ZNF362: variants seen among roughly 807,000 people sequenced by gnomAD.
ZNF362 encodes the protein rotund homolog.
ZNF362 carries 11 observed loss-of-function variants against 42.9 expected under a neutral mutation model. The ratio of observed to expected loss-of-function variants is 0.26; its 90% confidence interval spans 0.16 to 0.42. The LOEUF (loss-of-function observed/expected upper bound fraction) is 0.42, where lower values mean the gene tolerates loss of function less well. Ranked by LOEUF, ZNF362 falls within the 20% of genes least tolerant of loss-of-function variation. The pLI is 1.00. For synonymous variants in ZNF362, 255 were observed against 257.3 expected (o/e 0.99, Z 0.09); for missense variants, 362 against 576.2 (o/e 0.63, Z 3.81).
chr1:33,189,722 T>TATATATATATATATATATATATATAC, the ZNF362 span, among the ~76,000 whole-genome samples: 16 of 102,944 alleles, frequency 1.6e-4, no homozygotes, highest in African/African-American at 5.1e-4. Flanking sequence ...TATATATACA[T>TATATATATATATATATATATATATAC]ACACACATAC....
chr1:33,213,843 C>CA, the ZNF362 span, among the ~76,000 whole-genome samples: 2 of 151,556 alleles, frequency 1.3e-5, no homozygotes, highest in East Asian at 1.9e-4. Context: ...AACTCTGTCT[C>CA]AAAAAAACCA....
Position 33,266,941 on chromosome 1 carries a change from G to A in ZNF362, c.-88-3546G>A, listed in dbSNP as rs904554494. On this transcript the variant is annotated intron_variant, in intron 1 of 8. Transcript: ENST00000539719. This position sits in a 1 kb window ranked among gnomAD's most constrained non-coding sequence, Gnocchi z 4.3. ...CCAAAAGTGATGGGAATCCAAGAAG[G>A]ATTTTAAGCGGTAGACTTAGCGCCC... 1.3e-5 allele frequency among the ~76,000 whole-genome samples: 2 copies of A among 152,224 alleles called. No homozygotes were observed. The highest frequency in any genetic ancestry group is 1.3e-4 in the Admixed American group (2 of 15,288).
chr1:33,147,733 G>A, the ZNF362 span: 3 of 1,605,474 alleles, frequency 1.9e-6, no homozygotes, highest in African/African-American at 4.0e-5. This position sits in a 1 kb window ranked among gnomAD's most constrained non-coding sequence, Gnocchi z 8.1. Context: ...TGGCACTGTG[G>A]GGGTTGGAGG....
the ZNF362 span, chr1:33,147,597 C>T: frequency 6.2e-7 from 1 of 1,614,148 alleles, no homozygotes; most frequent in Non-Finnish European, 8.5e-7. The surrounding 1 kb of genome is among the most constrained non-coding windows in gnomAD (Gnocchi z 8.1). Context: ...CCGACACCTC[C>T]ACATCGAAGC....
chr1:33,262,705 C>G (rs1645837448), intron 1 of ZNF362, among the ~76,000 whole-genome samples: 1 of 152,176 alleles, frequency 6.6e-6, no homozygotes, highest in Admixed American at 6.5e-5. Context: ...CCCTTCAACA[C>G]ACTCAAATAC....
At chr1:33,276,625 G>A (rs1269537522) in intron 4 of ZNF362, 31 bp downstream of exon 4, 25 of 1,309,854 alleles carry the variant, frequency 1.9e-5, no homozygotes, top group African/African-American at 7.8e-5. Flanking sequence ...CGGCGGGGCC[G>A]GTGAGGACTG....
At chr1:33,154,352 G>A in the ZNF362 span, among the ~76,000 whole-genome samples, 1 of 152,208 alleles carries the variant, frequency 6.6e-6, no homozygotes, top group Non-Finnish European at 1.5e-5. Context: ...CCTGCTCCAT[G>A]TCTGTCACAG....
the ZNF362 span, among the ~76,000 whole-genome samples, chr1:33,176,032 C>T: frequency 1.6e-4 from 25 of 152,262 alleles, no homozygotes; most frequent in Middle Eastern, 3.4e-3. Flanking sequence ...GAGATGCCAG[C>T]GGCCAGCTCT....
intron 8 of ZNF362, among the ~76,000 whole-genome samples, chr1:33,297,447 C>A (rs1353564064): frequency 1.3e-5 from 2 of 151,788 alleles, no homozygotes; most frequent in Non-Finnish European, 2.9e-5. Context: ...ACTCAAATAC[C>A]CGTTCAGCAT....
intron 1 of ZNF362, among the ~76,000 whole-genome samples, chr1:33,265,963 C>T (rs1047311740): frequency 3.3e-5 from 5 of 152,222 alleles, no homozygotes; most frequent in African/African-American, 1.2e-4. Context: ...TTTGCACATG[C>T]AGTTCTTTCC....
the ZNF362 span, among the ~76,000 whole-genome samples, chr1:33,189,708 CGTATATATATACAT>C: frequency 2.8e-4 from 2 of 7,262 alleles, no homozygotes; most frequent in African/African-American, 7.2e-4. Context: ...CACATATATA[CGTATATATATACAT>C]ACACACATAC....
chr1:33,182,497 C>T, the ZNF362 span, among the ~76,000 whole-genome samples: 1 of 152,206 alleles, frequency 6.6e-6, no homozygotes, highest in Non-Finnish European at 1.5e-5. Flanking sequence ...CCCATTTCCT[C>T]TTCACTTTCT....
the ZNF362 span, among the ~76,000 whole-genome samples, chr1:33,135,676 C>T: frequency 2.6e-5 from 4 of 152,344 alleles, no homozygotes; most frequent in East Asian, 7.7e-4. Flanking sequence ...ACTTACTCAG[C>T]ATGCAGGTCT....
chr1:33,253,738 A>G (rs1259202006), upstream of ZNF362, among the ~76,000 whole-genome samples: 1 of 152,096 alleles, frequency 6.6e-6, no homozygotes, highest in Admixed American at 6.5e-5. Context: ...GATAATGATG[A>G]TATTGATGAT....
At chr1:33,165,458 C>T in the ZNF362 span, 2 of 1,580,926 alleles carry the variant, frequency 1.3e-6, no homozygotes, top group South Asian at 1.1e-5. The surrounding 1 kb of genome is among the most constrained non-coding windows in gnomAD (Gnocchi z 4.0). Flanking sequence ...CTCCGCGCCC[C>T]GGCCAGGCTC....
At chr1:33,202,481 C>T in the ZNF362 span, among the ~76,000 whole-genome samples, 6 of 151,920 alleles carry the variant, frequency 3.9e-5, no homozygotes, top group South Asian at 2.1e-4. Context: ...GCCTGTAGTC[C>T]CAGCTACTGG....
At chr1:33,275,399 C>T (rs1645936062) in intron 2 of ZNF362, 1 of 985,166 alleles carries the variant, frequency 1.0e-6, no homozygotes, top group South Asian at 4.7e-5. Flanking sequence ...GCTTCAGCCT[C>T]TTCAGCCCCC....
At chr1:33,234,725 C>A in the ZNF362 span, among the ~76,000 whole-genome samples, 3 of 152,196 alleles carry the variant, frequency 2.0e-5, no homozygotes. Flanking sequence ...CAGCCTTGAC[C>A]AAAGCCTGCA....
At chr1:33,165,826 A>G in the ZNF362 span, 6 of 320,486 alleles carry the variant, frequency 1.9e-5, no homozygotes, top group Non-Finnish European at 5.7e-6. This position sits in a 1 kb window ranked among gnomAD's most constrained non-coding sequence, Gnocchi z 4.0. Flanking sequence ...GTGACAATCG[A>G]CTTCCACATA....
Sources: allele counts gnomAD v4.1 joint callset (sites outside exome capture counted in the v4.1 genomes callset), GRCh38; gene constraint gnomAD v4.1.1; non-coding constraint Gnocchi (gnomAD v3.1); transcripts MANE v1.5; gene names NCBI Gene and HGNC (gene_info 2026-07-23, HGNC 2026-07-21).